The following ARID1B variants were observed in gnomAD, a reference collection of about 807,000 sequenced individuals.
ARID1B encodes the protein AT-rich interactive domain-containing protein 1B.
ARID1B carries 30 observed loss-of-function variants against 212.3 expected under a neutral mutation model. The ratio of observed to expected loss-of-function variants is 0.14; its 90% CI spans 0.11 to 0.19. The LOEUF is 0.19. Among genes scored for constraint, ARID1B ranks in the 10% least tolerant of loss-of-function variants. The pLI is 1.00. For synonymous variants in ARID1B, 1,402 were observed against 1,301.7 expected (o/e 1.08, Z -1.66); for missense variants, 2,891 against 3,204.0 (o/e 0.90, Z 2.36).
chr6:156,876,325 C>T (rs1349948141), intron 2 of ARID1B, among the ~76,000 whole-genome samples: 1 of 152,172 alleles, frequency 6.6e-6, no homozygotes, highest in Non-Finnish European at 1.5e-5. Flanking sequence ...CCATCCGGCC[C>T]TGTGGATTTT....
At chr6:156,921,916 A>C (rs1313485772) in intron 3 of ARID1B, among the ~76,000 whole-genome samples, 1 of 151,958 alleles carries the variant, frequency 6.6e-6, no homozygotes, top group Non-Finnish European at 1.5e-5. Context: ...CATTTCACAG[A>C]GAAATCAGAC....
At chr6:156,896,482 A>C (rs1788396142) in intron 2 of ARID1B, among the ~76,000 whole-genome samples, 1 of 150,222 alleles carries the variant, frequency 6.7e-6, no homozygotes. Context: ...AGGCTGAGAC[A>C]GGAGAATCAC....
intron 3 of ARID1B, among the ~76,000 whole-genome samples, chr6:156,928,615 TACAG>T (rs1791440949): frequency 6.6e-6 from 1 of 151,982 alleles, no homozygotes; most frequent in Non-Finnish European, 1.5e-5. Flanking sequence ...GTCCTTGGGG[TACAG>T]ACACTTGAGG....
chr6:156,878,596 T>C (rs1229040606), intron 2 of ARID1B, among the ~76,000 whole-genome samples: 1 of 152,228 alleles, frequency 6.6e-6, no homozygotes, highest in Non-Finnish European at 1.5e-5. Context: ...GGGTCAATAA[T>C]CTAGCTGCCT....
intron 1 of ARID1B, among the ~76,000 whole-genome samples, chr6:156,783,165 G>A (rs1435310216): frequency 6.6e-6 from 1 of 151,750 alleles, no homozygotes; most frequent in East Asian, 1.9e-4. Context: ...TTTTGGCAAG[G>A]CTTTTTATAC....
intron 2 of ARID1B, among the ~76,000 whole-genome samples, chr6:156,859,367 C>G (rs76006437): frequency 0.016 from 2,378 of 152,222 alleles, 68 homozygotes; most frequent in African/African-American, 0.055. Flanking sequence ...CTGATGATTC[C>G]TTTTCTGTCA....
At chr6:157,075,197 T>C (rs1269268146) in intron 4 of ARID1B, among the ~76,000 whole-genome samples, 3 of 152,228 alleles carry the variant, frequency 2.0e-5, no homozygotes, top group Non-Finnish European at 2.9e-5. Flanking sequence ...AGTGAGTCTA[T>C]GAATCATAAC....
chr6:157,135,081 A>G (rs1788821052), intron 7 of ARID1B, among the ~76,000 whole-genome samples: 1 of 151,964 alleles, frequency 6.6e-6, no homozygotes. Flanking sequence ...AAATTACTAT[A>G]GAATGGATTT....
intron 3 of ARID1B, among the ~76,000 whole-genome samples, chr6:156,907,758 A>T (rs1014990242): frequency 6.6e-6 from 1 of 150,894 alleles, no homozygotes; most frequent in South Asian, 2.1e-4. Context: ...AAAAAAAAAA[A>T]TTAGCCAGGC....
At chr6:157,108,820 A>G (rs985251590) in intron 5 of ARID1B, among the ~76,000 whole-genome samples, 1 of 152,180 alleles carries the variant, frequency 6.6e-6, no homozygotes, top group African/African-American at 2.4e-5. Flanking sequence ...TATGGTTCTA[A>G]TGTAAAAAGC....
intron 1 of ARID1B, among the ~76,000 whole-genome samples, chr6:156,824,808 G>C (rs996809106): frequency 5.3e-5 from 8 of 151,872 alleles, no homozygotes; most frequent in Non-Finnish European, 8.8e-5. Context: ...CTTCAGGTTA[G>C]ATGTGCGTAT....
chr6:157,048,398 T>C (rs1401393271), intron 4 of ARID1B, among the ~76,000 whole-genome samples: 1 of 152,176 alleles, frequency 6.6e-6, no homozygotes, highest in Non-Finnish European at 1.5e-5. Flanking sequence ...ATGCATCCTG[T>C]GGGTCCATTT....
chr6:157,124,154 T>C (rs1040793971), intron 6 of ARID1B, among the ~76,000 whole-genome samples: 4 of 152,270 alleles, frequency 2.6e-5, no homozygotes, highest in African/African-American at 9.6e-5. Flanking sequence ...CAGAAATGAT[T>C]CTTTGGAAAC....
At chr6:156,891,565 C>T (rs924573865) in intron 2 of ARID1B, among the ~76,000 whole-genome samples, 1 of 152,170 alleles carries the variant, frequency 6.6e-6, no homozygotes, top group Admixed American at 6.5e-5. Flanking sequence ...CAGATTCTCA[C>T]ATTCAAAAAT....
chr6:156,838,486 C>G (rs571002728), intron 2 of ARID1B, among the ~76,000 whole-genome samples: 18 of 152,158 alleles, frequency 1.2e-4, no homozygotes, highest in African/African-American at 3.9e-4. Context: ...GGTTTTCCAG[C>G]CTGAGCTGCC....
intron 2 of ARID1B, among the ~76,000 whole-genome samples, chr6:156,832,019 T>G (rs899402107): frequency 1.5e-4 from 23 of 152,362 alleles, no homozygotes; most frequent in African/African-American, 5.3e-4. Context: ...AGTATCTTGT[T>G]TTAAAATTTA....
At chr6:156,951,732 C>T (rs533836558) in intron 4 of ARID1B, among the ~76,000 whole-genome samples, 17 of 152,176 alleles carry the variant, frequency 1.1e-4, no homozygotes, top group Middle Eastern at 3.4e-3. Flanking sequence ...TGTGAGCCAC[C>T]GCACCTGGCC....
intron 11 of ARID1B, among the ~76,000 whole-genome samples, chr6:157,176,496 T>G (rs1792111401): frequency 6.6e-6 from 1 of 152,192 alleles, no homozygotes; most frequent in East Asian, 1.9e-4. Context: ...AGTATTTGTG[T>G]GTTGGCCCAG....
At chr6:156,953,050 A>C (rs1291406061) in intron 4 of ARID1B, among the ~76,000 whole-genome samples, 1 of 152,238 alleles carries the variant, frequency 6.6e-6, no homozygotes, top group South Asian at 2.1e-4. Context: ...AATCTGGTCA[A>C]CTGCGTAATT....
Sources: allele counts gnomAD v4.1 joint callset (sites outside exome capture counted in the v4.1 genomes callset), GRCh38; gene constraint gnomAD v4.1.1; transcripts MANE v1.5; gene names NCBI Gene and HGNC (gene_info 2026-07-23, HGNC 2026-07-21).